GCN1: variants seen among roughly 807,000 people sequenced by gnomAD.
GCN1 encodes GCN1 activator of EIF2AK4.
In GCN1, 90 loss-of-function variants were observed where a neutral mutation model predicts 288.4. The observed-to-expected ratio is 0.31, with a 90% CI of 0.26 to 0.37. GCN1 has a LOEUF of 0.37. GCN1 is among the 10% of genes least tolerant of loss of function. The pLI is 1.00. For synonymous variants in GCN1, 1,386 were observed against 1,420.2 expected (o/e 0.98, Z 0.54); for missense variants, 2,586 against 3,419.9 (o/e 0.76, Z 6.08).
intron 16 of GCN1, among the ~76,000 whole-genome samples, chr12:120,167,057 A>C (rs1270029718): frequency 6.6e-6 from 1 of 151,702 alleles, no homozygotes; most frequent in Non-Finnish European, 1.5e-5. Flanking sequence ...TTATAAAAAG[A>C]GGCCGGGCAT....
At chr12:120,186,864 G>A (rs1006247275) in intron 2 of GCN1, among the ~76,000 whole-genome samples, 1 of 152,188 alleles carries the variant, frequency 6.6e-6, no homozygotes, top group Non-Finnish European at 1.5e-5. Context: ...ACTTGAAGCA[G>A]GTCACACAGC....
chr12:120,189,721 G>A (rs910029550), intron 2 of GCN1, among the ~76,000 whole-genome samples: 1 of 151,968 alleles, frequency 6.6e-6, no homozygotes, highest in Non-Finnish European at 1.5e-5. Context: ...GCTCGTGCCT[G>A]TAACCCCGGC....
intron 24 of GCN1, 143 bp downstream of exon 24, chr12:120,159,682 T>C (rs1877865599): frequency 2.9e-6 from 2 of 688,028 alleles, no homozygotes; most frequent in African/African-American, 1.8e-5. Flanking sequence ...CCAGCTTGAG[T>C]CTCCAAGGCT....
intron 46 of GCN1, 30 bp from the exon 47 acceptor site, chr12:120,138,445 G>A: frequency 2.2e-6 from 3 of 1,376,256 alleles, no homozygotes; most frequent in Non-Finnish European, 3.1e-6. Context: ...CAACCCTGAG[G>A]AATCTGCATC....
intron 51 of GCN1, among the ~76,000 whole-genome samples, chr12:120,135,031 A>C (rs1236454380): frequency 6.6e-6 from 1 of 152,232 alleles, no homozygotes; most frequent in Non-Finnish European, 1.5e-5. Context: ...AGACCTGTCC[A>C]TATCGATAAG....
intron 16 of GCN1, among the ~76,000 whole-genome samples, chr12:120,165,663 G>A (rs542141106): frequency 4.0e-5 from 6 of 150,292 alleles, no homozygotes; most frequent in Non-Finnish European, 7.4e-5. Context: ...TAGTAGAGAC[G>A]AGGTTTCACC....
rs545509740 is a variant in GCN1, at chr12:120,155,099, G to C, written c.3631-59C>G. Reference sequence around the variant, plus strand: ...GGGCAGATCAATGACCTGGGCACCAGGATTGTGAGGCAGGAAACTAGCCGC... The same window carrying C: ...GGGCAGATCAATGACCTGGGCACCACGATTGTGAGGCAGGAAACTAGCCGC... On this transcript the variant is annotated intron_variant, in intron 30 of 57. Transcript: ENST00000300648. The surrounding 1 kb of genome is among the most constrained non-coding windows in gnomAD (Gnocchi z 4.9). 34 of 1,543,868 alleles carry C rather than the reference G, an allele frequency of 2.2e-5. No homozygotes were observed. Among genetic ancestry groups the C allele is most frequent in the Non-Finnish European group, 3.0e-5 (33 of 1,115,948 alleles).
At chr12:120,167,973 C>T (rs1038851535) in intron 16 of GCN1, among the ~76,000 whole-genome samples, 2 of 151,940 alleles carry the variant, frequency 1.3e-5, no homozygotes, top group African/African-American at 2.4e-5. Flanking sequence ...CAGCTCATGT[C>T]GTAGCTCCAC....
chr12:120,170,344 T>C (rs1402141195), intron 14 of GCN1, 23 bp from the exon 15 acceptor site: 5 of 1,611,466 alleles, frequency 3.1e-6, no homozygotes, highest in Non-Finnish European at 4.2e-6. Flanking sequence ...GACAAGCACC[T>C]TAAAGGACAT....
At chr12:120,169,660 C>T (rs1188617354) in intron 15 of GCN1, among the ~76,000 whole-genome samples, 2 of 152,132 alleles carry the variant, frequency 1.3e-5, no homozygotes, top group Non-Finnish European at 2.9e-5. Context: ...TGCGCCACCA[C>T]ACCCAGCTAA....
chr12:120,130,166 C>A (rs1876768765), intron 56 of GCN1, among the ~76,000 whole-genome samples: 1 of 152,196 alleles, frequency 6.6e-6, no homozygotes, highest in Non-Finnish European at 1.5e-5. Context: ...GCTCTGACTT[C>A]TGTGCACAGT....
intron 57 of GCN1, among the ~76,000 whole-genome samples, chr12:120,128,491 C>T (rs1274955475): frequency 6.6e-6 from 1 of 152,056 alleles, no homozygotes; most frequent in Admixed American, 6.6e-5. Flanking sequence ...ATAGCGCCAC[C>T]ACACCTGGCT....
At chr12:120,187,247 T>C (rs1878850326) in intron 2 of GCN1, among the ~76,000 whole-genome samples, 1 of 151,576 alleles carries the variant, frequency 6.6e-6, no homozygotes, top group Non-Finnish European at 1.5e-5. Flanking sequence ...AGTTTCGTTC[T>C]TGTTACCCAG....
At chr12:120,161,704 C>A (rs995162436) in intron 21 of GCN1, 121 bp from the exon 22 acceptor site, 1 of 902,374 alleles carries the variant, frequency 1.1e-6, no homozygotes, top group Non-Finnish European at 1.8e-6. Context: ...GTGCCGGATA[C>A]TGGACACACT....
At chr12:120,189,194 T>C (rs1878922823) in intron 2 of GCN1, among the ~76,000 whole-genome samples, 1 of 151,958 alleles carries the variant, frequency 6.6e-6, no homozygotes, top group African/African-American at 2.4e-5. Flanking sequence ...TGCCTCAGCC[T>C]CCTGAGTAGC....
Position 120,161,379 on chromosome 12 carries a change from C to G in GCN1, c.2436+111G>C. The G allele has an allele frequency of 4.2e-6, 3 of 721,432 alleles. No individual in the cohort carries two copies. In the South Asian group the frequency reaches 4.8e-5, roughly 12 times the overall value. 44.7% of individuals were successfully genotyped at this position (721,432 alleles called of 1,614,324 possible). A position where few individuals can be genotyped will look rare whatever the true frequency, so the allele number is the denominator to read the frequency against. On this transcript the variant is annotated intron_variant, in intron 22 of 57. Coordinates refer to ENST00000300648, the MANE Select transcript of GCN1 (RefSeq NM_006836.2). ...GGTCAGGGGCATCAGAGGAGTGTGC[C>G]ATGGGCCTCAGGATGTTCCAAGTGA... is the stretch of plus-strand genomic sequence containing the variant.
In GCN1 at chr12:120,156,473, T is replaced by C. The variant is rs1474526425; in HGVS notation, c.3300A>G (p.Glu1100=). 7.4e-6 allele frequency: 12 copies of C among 1,613,802 alleles called. No individual in the cohort carries two copies. Among genetic ancestry groups the C allele is most frequent in the African/African-American group, 1.3e-5 (1 of 75,022 alleles). ...ALQSPCASVR[E]TVLRGLMELH... The stretch of plus-strand genomic sequence containing the variant: ...ACTGAGCACACACCCGGAGCACGGT[T>C]TCCCGCACGCTGGCACACGGGGACT... Residue 1100 remains glutamate, a synonymous_variant, in exon 28 of 58, where the codon GAA becomes GAG. Transcript: ENST00000300648. The surrounding 1 kb of genome is among the most constrained non-coding windows in gnomAD (Gnocchi z 5.8).
chr12:120,145,958 A>G (rs1427809251), intron 38 of GCN1, among the ~76,000 whole-genome samples: 1 of 152,206 alleles, frequency 6.6e-6, no homozygotes, highest in African/African-American at 2.4e-5. Flanking sequence ...CCATTTTTAA[A>G]TGTAATTTTA....
rs1212688090 is a variant in GCN1, at chr12:120,127,484, G to C, written c.*365C>G. 1 of 213,124 alleles carries C rather than the reference G, an allele frequency of 4.7e-6. No individual in the cohort carries two copies. The highest frequency in any genetic ancestry group is 9.7e-6 in the Non-Finnish European group (1 of 103,606). 13.2% of individuals were successfully genotyped at this position (213,124 alleles called of 1,614,324 possible). ...TGCCCCACTCGGGATATAGGAAAAA[G>C]GTTGGTAGCGCCAGCTCTCAAACCA... is the stretch of plus-strand genomic sequence containing the variant. On this transcript the variant is annotated 3_prime_UTR_variant, in exon 58 of 58. Transcript: ENST00000300648.
Sources: allele counts gnomAD v4.1 joint callset (sites outside exome capture counted in the v4.1 genomes callset), GRCh38; gene constraint gnomAD v4.1.1; non-coding constraint Gnocchi (gnomAD v3.1); transcripts MANE v1.5; gene names NCBI Gene and HGNC (gene_info 2026-07-23, HGNC 2026-07-21).